The following MYO9A variants were observed in gnomAD, a reference collection of about 807,000 sequenced individuals.
MYO9A encodes myosin IXA.
In MYO9A, 103 loss-of-function variants were observed where a neutral mutation model predicts 293.3. The ratio of observed to expected loss-of-function variants is 0.35; its 90% CI spans 0.30 to 0.41. The LOEUF is 0.41. MYO9A is among the 10% of genes least tolerant of loss of function. MYO9A has a pLI of 1.00. For missense variants in MYO9A, 2,685 were observed against 3,033.0 expected, an observed-to-expected ratio of 0.89 and a Z score of 2.69; for synonymous variants, 1,001 against 1,035.7, an observed-to-expected ratio of 0.97 and a Z score of 0.64.
At position 71,898,289 on chromosome 15, in the gene MYO9A, T is replaced by A. The variant is rs771702260; in HGVS notation, c.4214A>T (p.Lys1405Ile). 48 of 1,614,028 alleles carry A rather than the reference T, an allele frequency of 3.0e-5. No homozygotes were observed. Among genetic ancestry groups the A allele is most frequent in the Non-Finnish European group, 4.0e-5 (47 of 1,180,040 alleles). Residue 1405 changes from lysine (K) to isoleucine (I), a missense_variant, in exon 25 of 42, where the codon AAA becomes ATA. Lys to Ile is a moderately radical substitution (Grantham distance 102, BLOSUM62 -3). This residue lies in a region of MYO9A where 1,434 missense variants were observed against 1,497.7 expected (regional missense o/e 0.96). Coordinates refer to ENST00000356056, the MANE Select transcript of MYO9A (RefSeq NM_006901.4). Reference protein sequence around the residue: ...VVCSSESITCKPQLKDSFISN... With the variant: ...VVCSSESITCIPQLKDSFISN... ...AATGAAGGAGTCTTTCAGCTGTGGT[T>A]TACAGGTAATAGACTCAGAACTGCA... is the stretch of plus-strand genomic sequence containing the variant.
intron 1 of MYO9A, among the ~76,000 whole-genome samples, chr15:72,104,376 G>A (rs933599018): frequency 9.9e-5 from 15 of 152,266 alleles, no homozygotes; most frequent in African/African-American, 3.4e-4. Flanking sequence ...TAACCCCACT[G>A]TAAGTAAGGA....
rs538679822 is a variant in MYO9A at position 72,029,306 on chromosome 15, T to A, written c.936-1513A>T. Among the ~76,000 whole-genome samples the A allele has an allele frequency of 8.5e-5, 13 of 152,306 alleles. No homozygotes were observed. In the East Asian group the frequency reaches 2.5e-3, roughly 29 times the overall value. The stretch of plus-strand genomic sequence containing the variant: ...AGGTACATTCTGAGAAATGCATCAT[T>A]AGACAATTTTGTTGTTTGTCAGCAT... On this transcript the variant is annotated intron_variant, in intron 3 of 41. Transcript: ENST00000356056.
chr15:71,887,509 G>A (rs982243058), intron 27 of MYO9A, among the ~76,000 whole-genome samples: 5 of 152,004 alleles, frequency 3.3e-5, no homozygotes, highest in African/African-American at 1.2e-4. Flanking sequence ...GACATCAGAG[G>A]AATCTACCAA....
At position 72,045,879 on chromosome 15, in the gene MYO9A, G is replaced by A. The variant is rs776645908; in HGVS notation, c.685C>T (p.Arg229Cys). 28 of 1,613,904 alleles carry A rather than the reference G, an allele frequency of 1.7e-5. No homozygotes were observed. The highest frequency in any genetic ancestry group is 8.9e-5 in the East Asian group (4 of 44,870). ...ADVAYHAMLQ[R>C]KKNQCIVISG... ...ATCACGATGCACTGATTCTTTTTGC[G>A]CTGAAGCATGGCATGATAAGCTACA... is the stretch of plus-strand genomic sequence containing the variant. The change falls in exon 2 of 42, where the codon CGC becomes TGC. Residue 229 changes from arginine to cysteine, a missense_variant. Around this residue, in one of 10 missense-constraint regions of MYO9A, gnomAD observed 289 missense variants for 456.8 expected, o/e 0.63. Transcript: ENST00000356056.
Position 71,824,800 on chromosome 15 carries a change from G to C in MYO9A, c.*1780C>G, listed in dbSNP as rs1159039931. ...GGCTCAATTCTGAACCCAAAGTAGG[G>C]AGAGGTAAGACTCCTGCTACCTTTA... On this transcript the variant is annotated 3_prime_UTR_variant, in exon 42 of 42. Coordinates refer to ENST00000356056, the MANE Select transcript of MYO9A (RefSeq NM_006901.4). 1 of 152,182 alleles carries C rather than the reference G, an allele frequency of 6.6e-6. No homozygotes were observed. Among genetic ancestry groups the C allele is most frequent in the African/African-American group, 2.4e-5 (1 of 41,426 alleles). 9.4% of individuals were successfully genotyped at this position (152,182 alleles called of 1,614,324 possible). A position where few individuals can be genotyped will look rare whatever the true frequency, so the allele number is the denominator to read the frequency against.
chr15:72,032,236 A>T (rs902709417), intron 3 of MYO9A, among the ~76,000 whole-genome samples: 10 of 152,158 alleles, frequency 6.6e-5, no homozygotes, highest in African/African-American at 2.4e-4. Context: ...TAAAAGAACA[A>T]ATGTATGCAT....
At chr15:71,941,008 A>G (rs747737628) in intron 15 of MYO9A, among the ~76,000 whole-genome samples, 7 of 152,194 alleles carry the variant, frequency 4.6e-5, no homozygotes, top group Non-Finnish European at 1.0e-4. Context: ...GGCAATGGTT[A>G]CCATTTTTAC....
intron 40 of MYO9A, among the ~76,000 whole-genome samples, chr15:71,829,690 G>C (rs887640900): frequency 6.6e-6 from 1 of 151,958 alleles, no homozygotes. Context: ...AAGGGACTTT[G>C]GCTTAGCCTA....
At chr15:72,092,910 T>TACACACACACACACACAC (rs59999448) in intron 1 of MYO9A, among the ~76,000 whole-genome samples, 9 of 141,912 alleles carry the variant, frequency 6.3e-5, no homozygotes, top group African/African-American at 2.1e-4. Flanking sequence ...CCACCTTACT[T>TACACACACACACACACAC]ACACACACAC....
chr15:71,836,576 G>A (rs145788200), intron 39 of MYO9A, among the ~76,000 whole-genome samples: 6 of 152,094 alleles, frequency 3.9e-5, no homozygotes, highest in East Asian at 3.9e-4. Context: ...CAACCCAAAT[G>A]TCCATCAACA....
intron 1 of MYO9A, among the ~76,000 whole-genome samples, chr15:72,101,034 C>G (rs1209865210): frequency 7.1e-6 from 1 of 141,218 alleles, no homozygotes; most frequent in Non-Finnish European, 1.6e-5. Flanking sequence ...GTCAGCCCCC[C>G]GCCCGGCCAG....
At chr15:72,042,948 T>C (rs944830649) in intron 2 of MYO9A, among the ~76,000 whole-genome samples, 5 of 151,876 alleles carry the variant, frequency 3.3e-5, no homozygotes, top group African/African-American at 7.3e-5. Flanking sequence ...CACAGGCTGA[T>C]AGTGCCAGCT....
chr15:72,081,089 T>C (rs1231416603), intron 1 of MYO9A, among the ~76,000 whole-genome samples: 2 of 152,198 alleles, frequency 1.3e-5, no homozygotes, highest in Non-Finnish European at 2.9e-5. Flanking sequence ...CACCCAGTAA[T>C]GAGATTGCTG....
chr15:71,903,136 T>C, intron 21 of MYO9A, 73 bp from the exon 22 acceptor site: 3 of 1,241,952 alleles, frequency 2.4e-6, no homozygotes, highest in Non-Finnish European at 3.4e-6. Flanking sequence ...CTAATTATCA[T>C]TCTATTAATC....
At position 71,854,487 on chromosome 15, in the gene MYO9A, A is replaced by G. The variant is rs1348247470; in HGVS notation, c.6236T>C (p.Val2079Ala). ...TSEDRTVPLV[V>A]EKLINYIEMH... ...TTCAATGTAGTTTATGAGCTTTTCC[A>G]CTACTAAAGGAACAGTTCGGTCTTC... Residue 2079 changes from valine to alanine, a missense_variant, in exon 35 of 42, where the codon GTG becomes GCG. Physicochemically the swap from Val to Ala is moderately conservative, Grantham distance 64 (BLOSUM62 0). Around this residue, in one of 10 missense-constraint regions of MYO9A, gnomAD observed 238 missense variants for 269.1 expected, o/e 0.88. Coordinates refer to ENST00000356056, the MANE Select transcript of MYO9A (RefSeq NM_006901.4). The G allele has an allele frequency of 1.9e-6, 3 of 1,613,676 alleles. No individual in the cohort carries two copies. Among genetic ancestry groups the G allele is most frequent in the African/African-American group, 2.7e-5 (2 of 74,918 alleles).
chr15:71,964,075 A>G (rs2075810903), intron 13 of MYO9A, among the ~76,000 whole-genome samples: 1 of 152,140 alleles, frequency 6.6e-6, no homozygotes, highest in South Asian at 2.1e-4. Flanking sequence ...AAATATATGC[A>G]TATCCTTCTA....
Position 71,992,848 on chromosome 15 carries a change from A to G in MYO9A, c.1588-1611T>C, listed in dbSNP as rs189802272. Among the ~76,000 whole-genome samples the G allele has an allele frequency of 3.5e-3, 532 of 151,806 alleles. 2 individuals are homozygous for G. The highest frequency in any genetic ancestry group is 5.7e-3 in the Non-Finnish European group (386 of 67,906). ...AATAAATATTTTATAATCTTGGGCT[A>G]GAAGAGGCCTTCCTCTGTAAGTAAA... On this transcript the variant is annotated intron_variant, in intron 10 of 41. Transcript: ENST00000356056.
chr15:72,034,453 C>T (rs181000962), intron 2 of MYO9A, among the ~76,000 whole-genome samples: 55 of 152,296 alleles, frequency 3.6e-4, no homozygotes, highest in Admixed American at 1.5e-3. Context: ...AAATGTCCCT[C>T]ATGAATGTTT....
chr15:72,094,671 G>A (rs58115764), intron 1 of MYO9A, among the ~76,000 whole-genome samples: 1,851 of 91,014 alleles, frequency 0.02, 280 homozygotes, highest in African/African-American at 0.045. Flanking sequence ...ATGCCACCCT[G>A]CCCAGCTTAT....
Sources: gnomAD v4.1 joint callset for allele counts (sites outside exome capture counted in the v4.1 genomes callset) on GRCh38, gnomAD v4.1.1 for gene constraint, gnomAD v4.1.1 regional missense constraint, MANE v1.5 for transcripts, NCBI Gene and HGNC (gene_info 2026-07-23, HGNC 2026-07-21) for gene names.